Variants in TBC1D17 observed in about 807,000 individuals in gnomAD.
The protein encoded by TBC1D17 is TBC1 domain family member 17.
A neutral mutation model predicts 78.8 loss-of-function variants in TBC1D17; 69 were observed. The ratio of observed to expected loss-of-function variants is 0.88; its 90% CI spans 0.72 to 1.07. TBC1D17 has a LOEUF of 1.07. Among genes scored for constraint, TBC1D17 ranks in the 50% least tolerant of loss-of-function variants. The probability of loss-of-function intolerance (pLI) is 0.00; values close to 1 mark genes in which losing one functional copy is unlikely to be tolerated. For synonymous variants in TBC1D17, 456 were observed against 358.3 expected (o/e 1.27, Z -3.08); for missense variants, 957 against 861.0 (o/e 1.11, Z -1.39).
At position 49,888,509 on chromosome 19, in the gene TBC1D17, C is replaced by G; in HGVS notation, c.1832C>G (p.Pro611Arg). 6.4e-7 allele frequency: 1 copy of G among 1,561,546 alleles called. No homozygotes were observed. Among genetic ancestry groups the G allele is most frequent in the Non-Finnish European group, 8.6e-7 (1 of 1,158,750 alleles). The change falls in exon 17 of 17, where the codon CCT (proline) becomes CGT (arginine). Residue 611 changes from proline (P) to arginine (R), a missense_variant. Coordinates refer to ENST00000221543, the MANE Select transcript of TBC1D17 (RefSeq NM_024682.3). ...HSPSPTASPLPLSPTRAPPTP... is the reference protein window; with the variant it reads ...HSPSPTASPLRLSPTRAPPTP... ...CCCTCGCCCACCGCCTCCCCGCTGC[C>G]TCTGTCGCCCACCCGGGCCCCGCCC...
chr19:49,882,458 T>C (rs2075023790), intron 7 of TBC1D17, 58 bp downstream of exon 7: 4 of 1,562,798 alleles, frequency 2.6e-6, no homozygotes, highest in Non-Finnish European at 1.7e-6. Context: ...GGGCGCATGA[T>C]TTCATTTCCC....
chr19:49,884,846 A>G (rs1600451610), intron 13 of TBC1D17, 88 bp downstream of exon 13: 2 of 1,162,038 alleles, frequency 1.7e-6, no homozygotes, highest in East Asian at 2.5e-5. Flanking sequence ...CATCCTGGAC[A>G]TTGGGTCCTG....
intron 13 of TBC1D17, among the ~76,000 whole-genome samples, chr19:49,886,064 G>C (rs2075056363): frequency 6.6e-6 from 1 of 150,578 alleles, no homozygotes; most frequent in South Asian, 2.1e-4. Flanking sequence ...CAGATCACCT[G>C]AGGTCAGGAG....
At chr19:49,880,193 A>AT in intron 3 of TBC1D17, 86 bp from the exon 4 acceptor site, 1 of 1,532,820 alleles carries the variant, frequency 6.5e-7, no homozygotes, top group Non-Finnish European at 8.9e-7. Context: ...TTCCCTCTTT[A>AT]TTCAATGGGG....
chr19:49,878,071 C>A, intron 1 of TBC1D17, 72 bp from the exon 2 acceptor site: 1 of 1,290,588 alleles, frequency 7.7e-7, no homozygotes, highest in Non-Finnish European at 1.1e-6. Flanking sequence ...CCTCCCTGGG[C>A]CCGTCCCTAT....
intron 4 of TBC1D17, among the ~76,000 whole-genome samples, chr19:49,880,744 G>A (rs1336248094): frequency 6.6e-6 from 1 of 152,232 alleles, no homozygotes; most frequent in Non-Finnish European, 1.5e-5. Flanking sequence ...CACACAGGGT[G>A]CAGGGGACAT....
chr19:49,881,953 G>A, intron 5 of TBC1D17, 88 bp from the exon 6 acceptor site: 1 of 1,195,430 alleles, frequency 8.4e-7, no homozygotes, highest in Non-Finnish European at 1.2e-6. Context: ...GGACGCTGCA[G>A]CTGGAACCGA....
Position 49,882,134 on chromosome 19 carries a change from C to G in TBC1D17, c.621C>G (p.Asp207Glu), listed in dbSNP as rs1181755253. ...ACCACCTGCAGCTCTTTGACCAGGACAGCTCCAATGTGGTGTCAGTGAGTG... is the reference window on the plus strand; with the variant it reads ...ACCACCTGCAGCTCTTTGACCAGGAGAGCTCCAATGTGGTGTCAGTGAGTG... ...SFHHLQLFDQ[D>E]SSNVVSRFLQ... The change falls in exon 6 of 17, where the codon GAC becomes GAG. Residue 207 changes from aspartate (D) to glutamate (E), a missense_variant. Asp to Glu is a conservative substitution (Grantham distance 45, BLOSUM62 2). Coordinates refer to ENST00000221543, the MANE Select transcript of TBC1D17 (RefSeq NM_024682.3). 6.2e-7 allele frequency: 1 copy of G among 1,614,008 alleles called. No homozygotes were observed. Among genetic ancestry groups the G allele is most frequent in the African/African-American group, 1.3e-5 (1 of 74,910 alleles).
chr19:49,883,965 C>T (rs2075037520), intron 10 of TBC1D17, among the ~76,000 whole-genome samples: 1 of 152,194 alleles, frequency 6.6e-6, no homozygotes, highest in South Asian at 2.1e-4. Context: ...CCTTCAGGCC[C>T]AGTCTCAGTT....
At chr19:49,881,497 G>T (rs781210402) in intron 5 of TBC1D17, 22 bp downstream of exon 5, 1 of 1,601,828 alleles carries the variant, frequency 6.2e-7, no homozygotes, top group East Asian at 2.2e-5. Context: ...CCCAGTGCTG[G>T]GCCTTAAACC....
chr19:49,882,915 G>A, intron 8 of TBC1D17, 23 bp downstream of exon 8: 4 of 1,598,652 alleles, frequency 2.5e-6, no homozygotes, highest in Non-Finnish European at 3.4e-6. Context: ...ACAGGTGGAA[G>A]AATGGGGCAG....
At chr19:49,881,826 C>T (rs2075016607) in intron 5 of TBC1D17, among the ~76,000 whole-genome samples, 1 of 152,148 alleles carries the variant, frequency 6.6e-6, no homozygotes, top group African/African-American at 2.4e-5. Flanking sequence ...TCACACTGGA[C>T]CGGAAGGTGA....
rs919756097 is a variant in TBC1D17 at position 49,881,482 on chromosome 19, T to C, written c.527+7T>C. 5 of 1,606,100 alleles carry C rather than the reference T, an allele frequency of 3.1e-6. No homozygotes were observed. Among genetic ancestry groups the C allele is most frequent in the Non-Finnish European group, 4.2e-6 (5 of 1,179,354 alleles). ...GCTACCTGCTGTTGGCCAGGTGAGC[T>C]CTCTCCCAGTGCTGGGCCTTAAACC... On this transcript the variant is annotated splice_region_variant and intron_variant, in intron 5 of 16. Coordinates refer to ENST00000221543, the MANE Select transcript of TBC1D17 (RefSeq NM_024682.3).
rs762221069 is a variant in TBC1D17, at chr19:49,882,941, C to T, written c.928-32C>T. On this transcript the variant is annotated intron_variant, in intron 8 of 16. Coordinates refer to ENST00000221543, the MANE Select transcript of TBC1D17 (RefSeq NM_024682.3). The stretch of plus-strand genomic sequence containing the variant: ...AATGGGGCAGGGCCAGAACAAGGCC[C>T]CACTGAGCTGCCTGCCCTCCTGCAC... 17 of 1,598,200 alleles carry T rather than the reference C, an allele frequency of 1.1e-5. No homozygotes were observed. In the South Asian group the frequency reaches 1.8e-4, roughly 17 times the overall value.
chr19:49,878,394 A>G (rs1369325580), intron 2 of TBC1D17, 104 bp from the exon 3 acceptor site: 2 of 1,329,228 alleles, frequency 1.5e-6, no homozygotes, highest in Non-Finnish European at 2.2e-6. Flanking sequence ...CGGGACTTTG[A>G]AAGGCTGAGG....
chr19:49,887,493 T>A lies in TBC1D17; in HGVS notation c.1462T>A (p.Ser488Thr). The A allele has an allele frequency of 2.5e-6, 4 of 1,614,096 alleles. No homozygotes were observed. Among genetic ancestry groups the A allele is most frequent in the Non-Finnish European group, 3.4e-6 (4 of 1,179,994 alleles). ...CDFLDSQDSG[S>T]LCFCFRWLLI... ...TCCCCCAGATTCCCAGGACTCCGGC[T>A]CTCTCTGCTTCTGTTTCCGGTGGCT... Residue 488 changes from serine to threonine, a missense_variant, in exon 14 of 17, where the codon TCT (serine) becomes ACT (threonine). Ser to Thr is a moderately conservative substitution (Grantham distance 58). Coordinates refer to ENST00000221543, the MANE Select transcript of TBC1D17 (RefSeq NM_024682.3).
intron 13 of TBC1D17, among the ~76,000 whole-genome samples, chr19:49,886,340 T>G (rs1198919033): frequency 1.3e-5 from 2 of 152,176 alleles, no homozygotes; most frequent in Non-Finnish European, 2.9e-5. Context: ...TAAGTTAAAC[T>G]TATTCATGAA....
chr19:49,883,005 G>A lies in TBC1D17; in HGVS notation c.960G>A (p.Trp320Ter). 1.2e-6 allele frequency: 2 copies of A among 1,611,304 alleles called. No individual in the cohort carries two copies. Among genetic ancestry groups the A allele is most frequent in the Non-Finnish European group, 1.7e-6 (2 of 1,178,946 alleles). Residue 320 changes from tryptophan (W) to a stop codon, truncating the protein, a stop_gained, in exon 9 of 17, where the codon TGG (tryptophan) becomes TGA (stop). Coordinates refer to ENST00000221543, the MANE Select transcript of TBC1D17 (RefSeq NM_024682.3). LOFTEE classifies it high-confidence loss of function. The part of the protein sequence containing the change: ...GLSPSLRREA[W>*]KFLLGYLSWE... ...GCCCCAGCCTGCGGCGCGAGGCCTG[G>A]AAGTTCCTCCTAGGGTACCTCAGCT... is the stretch of plus-strand genomic sequence containing the variant.
rs764613376 is a variant in TBC1D17 at position 49,881,422 on chromosome 19, C to CGG, written c.478_479dup (p.Thr161AlafsTer71). ...CCCTGCCCGCACTGCACTTCCACCG[C>CGG]GGGGGCACCCGCGCCCTGCTCCGCG... On this transcript the variant is annotated frameshift_variant, in exon 5 of 17. Transcript: ENST00000221543. LOFTEE classifies it high-confidence loss of function. 1.9e-6 allele frequency: 3 copies of CGG among 1,612,398 alleles called. No homozygotes were observed. The highest frequency in any genetic ancestry group is 1.3e-5 in the African/African-American group (1 of 75,044).
Sources: gnomAD v4.1 joint callset for allele counts (sites outside exome capture counted in the v4.1 genomes callset) on GRCh38, gnomAD v4.1.1 for gene constraint, MANE v1.5 for transcripts, NCBI Gene and HGNC (gene_info 2026-07-23, HGNC 2026-07-21) for gene names.